The following TPD52 variants were observed in gnomAD, a reference collection of about 807,000 sequenced individuals.
TPD52 encodes prostate and colon associated protein.
In TPD52, 17 loss-of-function variants were observed where a neutral mutation model predicts 31.3. The observed-to-expected ratio is 0.54, with a 90% CI of 0.37 to 0.82. The LOEUF is 0.82. Ranked by LOEUF, TPD52 falls within the 40% of genes least tolerant of loss-of-function variation. The probability of loss-of-function intolerance (pLI) is 0.00; values close to 1 mark genes in which losing one functional copy is unlikely to be tolerated. For missense variants in TPD52, 212 were observed against 240.1 expected, an observed-to-expected ratio of 0.88 and a Z score of 0.77; for synonymous variants, 83 against 89.6, an observed-to-expected ratio of 0.93 and a Z score of 0.42.
In TPD52 at chr8:80,079,285, G is replaced by A. The variant is rs543239191; in HGVS notation, c.20-14692C>T. 3.3e-5 allele frequency among the ~76,000 whole-genome samples: 5 copies of A among 152,230 alleles called. No homozygotes were observed. In the East Asian group the frequency reaches 9.7e-4, roughly 29 times the overall value. ...AGAATCCCCCAGCAGACATCAAGCT[G>A]CTGCCTCCTGCCCCCAACTTCTACA... On this transcript the variant is annotated intron_variant, in intron 1 of 7. Transcript: ENST00000518937.
intron 1 of TPD52, among the ~76,000 whole-genome samples, chr8:80,169,602 C>T (rs1237107679): frequency 1.3e-5 from 2 of 152,208 alleles, no homozygotes; most frequent in African/African-American, 4.8e-5. Flanking sequence ...AAGTAAAACA[C>T]AGCCGTTTAA....
At chr8:80,125,342 G>T (rs1808529215) in intron 1 of TPD52, among the ~76,000 whole-genome samples, 1 of 152,082 alleles carries the variant, frequency 6.6e-6, no homozygotes, top group African/African-American at 2.4e-5. Flanking sequence ...CAGGTGTGGT[G>T]GCACATTTGA....
downstream of TPD52, among the ~76,000 whole-genome samples, chr8:80,034,375 G>C (rs920377917): frequency 1.2e-4 from 19 of 152,024 alleles, no homozygotes; most frequent in African/African-American, 4.3e-4. Context: ...GTTCCTGCTG[G>C]GATCACCTAT....
At chr8:80,108,820 T>C (rs1807308947) in intron 1 of TPD52, among the ~76,000 whole-genome samples, 1 of 152,266 alleles carries the variant, frequency 6.6e-6, no homozygotes, top group Non-Finnish European at 1.5e-5. Context: ...AAGAAACATT[T>C]TACCTTTTAA....
chr8:80,135,629 T>G (rs908979249), intron 1 of TPD52, among the ~76,000 whole-genome samples: 1 of 151,478 alleles, frequency 6.6e-6, no homozygotes, highest in African/African-American at 2.4e-5. Flanking sequence ...ATCCCATTAC[T>G]GGGTATATAC....
At chr8:80,049,488 C>T (rs1811162700) in intron 5 of TPD52, among the ~76,000 whole-genome samples, 2 of 152,176 alleles carry the variant, frequency 1.3e-5, no homozygotes, top group African/African-American at 4.8e-5. Flanking sequence ...TTTACTCTGA[C>T]TTCCAGGGGT....
chr8:80,080,570 G>A (rs1815161765), intron 1 of TPD52: 3 of 1,442,762 alleles, frequency 2.1e-6, no homozygotes, highest in Non-Finnish European at 2.7e-6. Context: ...ATCAACCCCA[G>A]GAGTTAGAGG....
chr8:80,092,009 T>C (rs191970374), intron 1 of TPD52, among the ~76,000 whole-genome samples: 18 of 152,372 alleles, frequency 1.2e-4, no homozygotes, highest in Admixed American at 5.2e-4. Flanking sequence ...CTAAAAAGGT[T>C]TGGCTTTTTG....
chr8:80,170,285 G>A (rs576106734), intron 1 of TPD52, among the ~76,000 whole-genome samples: 151 of 152,024 alleles, frequency 9.9e-4, no homozygotes, highest in Middle Eastern at 3.4e-3. Flanking sequence ...CTGTGGTGGC[G>A]CACACCTGTA....
intron 1 of TPD52, among the ~76,000 whole-genome samples, chr8:80,082,309 C>T (rs1055672115): frequency 2.0e-5 from 3 of 152,050 alleles, no homozygotes; most frequent in Non-Finnish European, 4.4e-5. Context: ...CTTACTGGGA[C>T]AGGAAAGGCA....
downstream of TPD52, chr8:80,034,664 T>C (rs1016992570): frequency 6.6e-6 from 1 of 151,980 alleles, no homozygotes; most frequent in African/African-American, 2.4e-5. Flanking sequence ...AAATGGAAAA[T>C]AAGAACAGAG....
intron 7 of TPD52, among the ~76,000 whole-genome samples, chr8:80,040,482 G>A (rs924990894): frequency 9.2e-5 from 14 of 152,036 alleles, no homozygotes; most frequent in African/African-American, 3.1e-4. Flanking sequence ...AAGCCACTGC[G>A]CCCAGCCAAC....
chr8:80,064,429 A>G, intron 2 of TPD52, 49 bp downstream of exon 2: 1 of 1,364,262 alleles, frequency 7.3e-7, no homozygotes, highest in Non-Finnish European at 1.1e-6. Context: ...CACAAATGAC[A>G]GTACATTTTA....
intron 1 of TPD52, among the ~76,000 whole-genome samples, chr8:80,133,920 GAAT>G (rs745442430): frequency 1.6e-4 from 24 of 152,100 alleles, no homozygotes; most frequent in Non-Finnish European, 3.1e-4. Context: ...TAGCAAGTCA[GAAT>G]AAGAAGAAGA....
At chr8:80,122,750 G>A (rs570083712) in intron 1 of TPD52, 5 of 152,346 alleles carry the variant, frequency 3.3e-5, no homozygotes, top group African/African-American at 9.6e-5. Context: ...TGTGTGTCAC[G>A]TCCAATTCTT....
rs188948255 is a variant in TPD52, at chr8:80,158,213, C to A, written c.19+13212G>T. Among the ~76,000 whole-genome samples, 46 of 151,814 alleles carry A rather than the reference C, an allele frequency of 3.0e-4. No homozygotes were observed. The East Asian group carries it at 8.3e-3, about 27-fold the overall frequency. ...TCCCTTTACCATTCCCCCATTCCCACAGGCCTGCAATCCATTGTACCAGCC... is the reference window on the plus strand; with the variant it reads ...TCCCTTTACCATTCCCCCATTCCCAAAGGCCTGCAATCCATTGTACCAGCC... On this transcript the variant is annotated intron_variant, in intron 1 of 7. Transcript: ENST00000518937.
chr8:80,068,811 A>G (rs1372787443), intron 1 of TPD52, among the ~76,000 whole-genome samples: 2 of 152,200 alleles, frequency 1.3e-5, no homozygotes, highest in South Asian at 2.1e-4. Flanking sequence ...ACATCCCATC[A>G]ATCTGAAGAT....
At chr8:80,031,673 T>C (rs922364649), downstream of TPD52, among the ~76,000 whole-genome samples, 4 of 151,962 alleles carry the variant, frequency 2.6e-5, no homozygotes, top group Non-Finnish European at 4.4e-5. Flanking sequence ...GCTTGGGCCA[T>C]AGCAAGAACC....
chr8:80,114,406 A>T (rs534268853), intron 1 of TPD52, among the ~76,000 whole-genome samples: 5 of 152,202 alleles, frequency 3.3e-5, no homozygotes, highest in Non-Finnish European at 7.3e-5. Flanking sequence ...CAACTAAAAC[A>T]TAAGTTTTAG....
Sources: gnomAD v4.1 joint callset for allele counts (sites outside exome capture counted in the v4.1 genomes callset) on GRCh38, gnomAD v4.1.1 for gene constraint, MANE v1.5 for transcripts, NCBI Gene and HGNC (gene_info 2026-07-23, HGNC 2026-07-21) for gene names.